Variants in GPR160 observed in about 807,000 individuals in gnomAD.
GPR160 encodes probable G protein-coupled receptor 160.
A neutral mutation model predicts 2.6 loss-of-function variants in GPR160; 2 were observed. That is an observed-to-expected ratio of 0.77 (90% CI 0.32 to 2.44). GPR160 has a LOEUF of 2.44. GPR160 is among the 30% of genes most tolerant of loss of function. GPR160 has a pLI of 0.11. For synonymous variants in GPR160, 130 were observed against 132.2 expected, an observed-to-expected ratio of 0.98 and a Z score of 0.12; for missense variants, 351 against 383.6, an observed-to-expected ratio of 0.91 and a Z score of 0.71.
intron 2 of GPR160, among the ~76,000 whole-genome samples, chr3:170,064,730 G>A (rs1388494986): frequency 6.6e-6 from 1 of 152,050 alleles, no homozygotes; most frequent in African/African-American, 2.4e-5. Context: ...ATGTTGGCCA[G>A]GCTGGTCTCA....
At position 170,084,373 on chromosome 3, in the gene GPR160, G is replaced by A. The variant is rs771571425; in HGVS notation, c.401G>A (p.Cys134Tyr). 1.2e-6 allele frequency: 2 copies of A among 1,608,134 alleles called. No homozygotes were observed. Among genetic ancestry groups the A allele is most frequent in the South Asian group, 1.1e-5 (1 of 90,566 alleles). The change falls in exon 4 of 4, where the codon TGT becomes TAT. Residue 134 changes from cysteine (C) to tyrosine (Y), a missense_variant. Physicochemically the swap from Cys to Tyr is radical, Grantham distance 194. Coordinates refer to ENST00000355897, the MANE Select transcript of GPR160 (RefSeq NM_014373.3). The part of the protein sequence containing the change: ...FSKTTKLSFK[C>Y]QKLFYFFTVI... Reference sequence around the variant, plus strand: ...AAAACAACCAAGCTTTCATTTAAGTGTCAAAAATTATTTTATTTCTTTACA... The same window carrying A: ...AAAACAACCAAGCTTTCATTTAAGTATCAAAAATTATTTTATTTCTTTACA...
At chr3:170,064,509 C>CTTT (rs1293395133) in intron 2 of GPR160, among the ~76,000 whole-genome samples, 1 of 113,440 alleles carries the variant, frequency 8.8e-6, no homozygotes, top group Non-Finnish European at 1.9e-5. Flanking sequence ...CTTTTCTTTT[C>CTTT]TTTTCTTTTT....
Position 170,038,084 on chromosome 3 carries a change from G to T in GPR160, c.-453G>T. On this transcript the variant is annotated 5_prime_UTR_variant, in exon 1 of 4. Transcript: ENST00000355897. This position sits in a 1 kb window ranked among gnomAD's most constrained non-coding sequence, Gnocchi z 5.3. ...CCCCTGCCCCTCCCGGGAGCGCGCG[G>T]GGCGGGGCGGGGCGGGGCGGGACCA... is the stretch of plus-strand genomic sequence containing the variant. The T allele has an allele frequency of 6.6e-6, 1 of 152,246 alleles. No homozygotes were observed. The highest frequency in any genetic ancestry group is 1.8e-4 in the South Asian group (1 of 5,504). 9.4% of individuals were successfully genotyped at this position (152,246 alleles called of 1,614,324 possible). A position where few individuals can be genotyped will look rare whatever the true frequency, so the allele number is the denominator to read the frequency against.
chr3:170,045,872 T>C (rs1716699597), intron 2 of GPR160, among the ~76,000 whole-genome samples: 1 of 152,212 alleles, frequency 6.6e-6, no homozygotes, highest in African/African-American at 2.4e-5. Context: ...ACCACCTGTG[T>C]GACCTTGACT....
Position 170,059,012 on chromosome 3 carries a change from TAC to T in GPR160, c.-193+19979_-193+19980del, listed in dbSNP as rs557771545. ...ATGGAAAGGGAAATAACCACACATG[TAC>T]ACACACACATGCACAAACACACACA... On this transcript the variant is annotated intron_variant, in intron 2 of 3. Coordinates refer to ENST00000355897, the MANE Select transcript of GPR160 (RefSeq NM_014373.3). Among the ~76,000 whole-genome samples the T allele has an allele frequency of 2.0e-3, 290 of 141,762 alleles. 1 individual carries two copies. Among genetic ancestry groups the T allele is most frequent in the Admixed American group, 3.2e-3 (43 of 13,342 alleles). The allele number at this position is 141,762 out of a possible 152,430, so 93.0% of individuals were successfully genotyped here.
chr3:170,084,168 G>T lies in GPR160; in HGVS notation c.196G>T (p.Asp66Tyr). The stretch of plus-strand genomic sequence containing the variant: ...TTTTTGCATTTCACTAGCATTCGTT[G>T]ATCTTTTACTTTTGGTAAACATTTC... ...EYFCISLAFVDLLLLVNISII... is the reference protein window; with the variant it reads ...EYFCISLAFVYLLLLVNISII... Residue 66 changes from aspartate (D) to tyrosine (Y), a missense_variant, in exon 4 of 4, where the codon GAT becomes TAT. Coordinates refer to ENST00000355897, the MANE Select transcript of GPR160 (RefSeq NM_014373.3). The T allele has an allele frequency of 6.3e-7, 1 of 1,590,274 alleles. No homozygotes were observed. Among genetic ancestry groups the T allele is most frequent in the Admixed American group, 1.8e-5 (1 of 54,930 alleles).
Position 170,038,072 on chromosome 3 carries a change from C to G in GPR160, c.-465C>G, listed in dbSNP as rs187596124. 0.13 allele frequency: 19,997 copies of G among 152,714 alleles called. 1,406 individuals carry two copies. Among genetic ancestry groups the G allele is most frequent in the East Asian group, 0.25 (1,264 of 5,140 alleles). 9.5% of individuals were successfully genotyped at this position (152,714 alleles called of 1,614,324 possible). A position where few individuals can be genotyped will look rare whatever the true frequency, so the allele number is the denominator to read the frequency against. On this transcript the variant is annotated 5_prime_UTR_variant, in exon 1 of 4. Transcript: ENST00000355897. The surrounding 1 kb of genome is among the most constrained non-coding windows in gnomAD (Gnocchi z 5.3). ...CGGGGCCGTGCTCCCCTGCCCCTCC[C>G]GGGAGCGCGCGGGGCGGGGCGGGGC...
At chr3:170,063,552 C>CAA (rs528295183) in intron 2 of GPR160, among the ~76,000 whole-genome samples, 4,562 of 78,472 alleles carry the variant, frequency 0.058, 181 homozygotes, top group African/African-American at 0.13. Context: ...ACAAAAAAAG[C>CAA]AAAAAAAAAA....
intron 2 of GPR160, among the ~76,000 whole-genome samples, chr3:170,043,967 C>CT (rs11348576): frequency 0.017 from 2,413 of 145,032 alleles, 29 homozygotes; most frequent in Non-Finnish European, 0.023. Context: ...TGAGATTGTA[C>CT]TTTTTTTTTT....
At chr3:170,066,198 T>C (rs1414930575) in intron 2 of GPR160, among the ~76,000 whole-genome samples, 1 of 134,212 alleles carries the variant, frequency 7.5e-6, no homozygotes, top group Non-Finnish European at 1.5e-5. Context: ...TGGAGTCCAG[T>C]GGCACGATCT....
chr3:170,065,250 ATC>A (rs1712265877), intron 2 of GPR160, among the ~76,000 whole-genome samples: 1 of 152,110 alleles, frequency 6.6e-6, no homozygotes, highest in African/African-American at 2.4e-5. Flanking sequence ...CCTTTCAGTT[ATC>A]TGTCTGCTTT....
chr3:170,068,235 C>T (rs1374200357), intron 2 of GPR160, among the ~76,000 whole-genome samples: 3 of 151,202 alleles, frequency 2.0e-5, no homozygotes, highest in Admixed American at 2.0e-4. Flanking sequence ...ACCTCTGCCT[C>T]CCAGGTTCAA....
At chr3:170,079,324 G>A (rs910581044) in intron 2 of GPR160, among the ~76,000 whole-genome samples, 2 of 152,230 alleles carry the variant, frequency 1.3e-5, no homozygotes, top group African/African-American at 4.8e-5. Flanking sequence ...TATTAAGCCA[G>A]ACACTAAAGC....
chr3:170,077,052 C>A (rs1406324314), intron 2 of GPR160: 1 of 152,106 alleles, frequency 6.6e-6, no homozygotes, highest in Non-Finnish European at 1.5e-5. Context: ...ATTATATATA[C>A]CTTTTATGAC....
At chr3:170,083,449 G>A (rs558009123) in intron 3 of GPR160, 11 of 152,324 alleles carry the variant, frequency 7.2e-5, no homozygotes, top group Admixed American at 5.9e-4. Flanking sequence ...CTGTGTTAAG[G>A]GGCCCCATAA....
chr3:170,040,575 T>A (rs909956256), intron 2 of GPR160, among the ~76,000 whole-genome samples: 1 of 152,184 alleles, frequency 6.6e-6, no homozygotes, highest in Non-Finnish European at 1.5e-5. Context: ...TGGGGGTTGA[T>A]TGCCTCCGGT....
At chr3:170,044,997 G>A (rs572683994) in intron 2 of GPR160, among the ~76,000 whole-genome samples, 8 of 152,154 alleles carry the variant, frequency 5.3e-5, no homozygotes, top group Admixed American at 2.0e-4. Flanking sequence ...AAACATTCTC[G>A]CTTCTGTGAA....
At chr3:170,081,269 G>C (rs1713109919) in intron 3 of GPR160, among the ~76,000 whole-genome samples, 1 of 152,010 alleles carries the variant, frequency 6.6e-6, no homozygotes, top group South Asian at 2.1e-4. Context: ...AAGACCAATG[G>C]CATTTGTCAA....
Position 170,083,844 on chromosome 3 carries a change from G to A in GPR160, c.-68-61G>A, listed in dbSNP as rs928107554. ...GAATTAGGCTTTTAAGAATAGTGGT[G>A]CTTGCTTTGTAAAGTTTCAAAATAG... On this transcript the variant is annotated intron_variant, in intron 3 of 3. Coordinates refer to ENST00000355897, the MANE Select transcript of GPR160 (RefSeq NM_014373.3). 8 of 480,364 alleles carry A rather than the reference G, an allele frequency of 1.7e-5. No homozygotes were observed. The Admixed American group carries it at 2.7e-4, about 16-fold the overall frequency. 29.8% of individuals were successfully genotyped at this position (480,364 alleles called of 1,614,324 possible). A position where few individuals can be genotyped will look rare whatever the true frequency, so the allele number is the denominator to read the frequency against.
Sources: gnomAD v4.1 joint callset for allele counts (sites outside exome capture counted in the v4.1 genomes callset) on GRCh38, gnomAD v4.1.1 for gene constraint, Gnocchi (gnomAD v3.1) non-coding constraint, MANE v1.5 for transcripts, NCBI Gene and HGNC (gene_info 2026-07-23, HGNC 2026-07-21) for gene names.